Variants in RBFOX1 observed in about 807,000 individuals in gnomAD.
The protein encoded by RBFOX1 is RNA binding protein fox-1 homolog 1.
In RBFOX1, 8 loss-of-function variants were observed where a neutral mutation model predicts 57.7. The ratio of observed to expected loss-of-function variants is 0.14; its 90% CI spans 0.08 to 0.25. The LOEUF is 0.25. RBFOX1 is among the 10% of genes least tolerant of loss of function. RBFOX1 has a pLI of 1.00. For synonymous variants in RBFOX1, 326 were observed against 222.4 expected (o/e 1.47, Z -4.15); for missense variants, 611 against 548.5 (o/e 1.11, Z -1.14).
chr16:5,582,867 C>T (rs949878663), intron 2 of RBFOX1, among the ~76,000 whole-genome samples: 3 of 152,148 alleles, frequency 2.0e-5, no homozygotes, highest in Non-Finnish European at 4.4e-5. Flanking sequence ...GCCTCTCATT[C>T]AACTGTGTAT....
At chr16:5,520,973 T>C (rs12445490) in intron 2 of RBFOX1, among the ~76,000 whole-genome samples, 97,263 of 152,084 alleles carry the variant, frequency 0.64, 33,243 homozygotes, top group African/African-American at 0.88. Context: ...GTGTGTGTCC[T>C]TTGAGTAAGA....
chr16:7,215,251 A>T (rs2091845480), intron 4 of RBFOX1, among the ~76,000 whole-genome samples: 1 of 152,186 alleles, frequency 6.6e-6, no homozygotes, highest in East Asian at 1.9e-4. Flanking sequence ...ACTGTGGAAG[A>T]AAGTGTGGCA....
chr16:5,287,241 T>A (rs1248835560), intron 1 of RBFOX1, among the ~76,000 whole-genome samples: 4 of 152,170 alleles, frequency 2.6e-5, no homozygotes, highest in Non-Finnish European at 5.9e-5. Context: ...GATTTTGCGG[T>A]TATAGTGAGC....
At chr16:5,812,708 C>A (rs759419975) in intron 3 of RBFOX1, among the ~76,000 whole-genome samples, 1 of 152,176 alleles carries the variant, frequency 6.6e-6, no homozygotes, top group Non-Finnish European at 1.5e-5. Context: ...GCAGTCCTTT[C>A]ACCTCTGCCT....
chr16:5,604,195 C>G (rs1025276563), downstream of RBFOX1, among the ~76,000 whole-genome samples: 10 of 152,162 alleles, frequency 6.6e-5, no homozygotes, highest in African/African-American at 2.4e-4. Flanking sequence ...AATAAGAATA[C>G]AAAAAATTCA....
intron 3 of RBFOX1, among the ~76,000 whole-genome samples, chr16:6,921,192 C>A (rs536680514): frequency 6.6e-6 from 1 of 152,290 alleles, no homozygotes; most frequent in African/African-American, 2.4e-5. Context: ...CATGAGTTTT[C>A]TATTCTGTGT....
chr16:6,438,990 C>A (rs2094308162), intron 2 of RBFOX1, among the ~76,000 whole-genome samples: 1 of 152,126 alleles, frequency 6.6e-6, no homozygotes. Flanking sequence ...GCTTGAAGTT[C>A]TGCACCCTTA....
chr16:7,549,069 G>A (rs764876756), intron 5 of RBFOX1, among the ~76,000 whole-genome samples: 1 of 152,238 alleles, frequency 6.6e-6, no homozygotes, highest in Non-Finnish European at 1.5e-5. Context: ...ACTTTCTGAA[G>A]AGGCGACATT....
chr16:7,318,171 A>T (rs1603619689), intron 4 of RBFOX1, among the ~76,000 whole-genome samples: 1 of 151,276 alleles, frequency 6.6e-6, no homozygotes, highest in Non-Finnish European at 1.5e-5. Context: ...GACGGTGGTA[A>T]TGATGGTGAT....
chr16:6,497,563 A>ATTT (rs1567445192), intron 2 of RBFOX1, among the ~76,000 whole-genome samples: 879 of 15,240 alleles, frequency 0.058, 7 homozygotes, highest in South Asian at 0.14. Flanking sequence ...GAAGTTTTTA[A>ATTT]AAAAAAAAAA....
chr16:6,886,781 A>T (rs1393299395), intron 3 of RBFOX1, among the ~76,000 whole-genome samples: 2 of 145,018 alleles, frequency 1.4e-5, no homozygotes, highest in Admixed American at 6.8e-5. Flanking sequence ...AACAAAACAA[A>T]ACAAAAAAAA....
At chr16:5,301,326 A>G (rs2063797091) in intron 1 of RBFOX1, among the ~76,000 whole-genome samples, 1 of 151,818 alleles carries the variant, frequency 6.6e-6, no homozygotes. Flanking sequence ...ACAGCTATAT[A>G]AGTGAGCTTA....
intron 3 of RBFOX1, among the ~76,000 whole-genome samples, chr16:6,781,446 G>A (rs2081004904): frequency 6.6e-6 from 1 of 152,078 alleles, no homozygotes; most frequent in South Asian, 2.1e-4. Context: ...CCTGTAGAAT[G>A]AGTTTGGAAG....
intron 1 of RBFOX1, among the ~76,000 whole-genome samples, chr16:6,251,491 A>G (rs2097611525): frequency 6.6e-6 from 1 of 152,140 alleles, no homozygotes; most frequent in South Asian, 2.1e-4. Flanking sequence ...CTAAGAACCA[A>G]AAGTTAGATA....
chr16:6,859,313 CTATTA>C (rs2058600635), intron 3 of RBFOX1, among the ~76,000 whole-genome samples: 1 of 150,690 alleles, frequency 6.6e-6, no homozygotes, highest in Non-Finnish European at 1.5e-5. Flanking sequence ...TTGATAATAT[CTATTA>C]TATTTTTATA....
chr16:6,173,949 C>T (rs1292929991), intron 1 of RBFOX1, among the ~76,000 whole-genome samples: 2 of 152,028 alleles, frequency 1.3e-5, no homozygotes, highest in African/African-American at 2.4e-5. Flanking sequence ...CTTTTGAAGT[C>T]ATTAAAGTTA....
chr16:5,835,130 A>C (rs998030644), intron 3 of RBFOX1, among the ~76,000 whole-genome samples: 4 of 151,892 alleles, frequency 2.6e-5, no homozygotes, highest in Admixed American at 2.0e-4. Flanking sequence ...GACCCCCCCC[A>C]GAAGTATAAT....
intron 2 of RBFOX1, among the ~76,000 whole-genome samples, chr16:5,527,056 C>G (rs905509961): frequency 6.6e-6 from 1 of 152,124 alleles, no homozygotes; most frequent in Admixed American, 6.5e-5. Flanking sequence ...GTCAGTGGTG[C>G]TCTTTCAGTA....
rs185636034 is a variant in RBFOX1, at chr16:5,678,811, G to A, written c.318+79850G>A. 3.9e-5 allele frequency among the ~76,000 whole-genome samples: 6 copies of A among 152,284 alleles called. No homozygotes were observed. The East Asian group carries it at 9.6e-4, about 24-fold the overall frequency. On this transcript the variant is annotated intron_variant, in intron 3 of 19. Coordinates refer to the RBFOX1 transcript ENST00000641259. ...GCTAAAATTCACTTTGAGTCAACCC[G>A]CTGTTCTAGCACGTTAAATTTGCTA... is the stretch of plus-strand genomic sequence containing the variant.
Sources: allele counts gnomAD v4.1 joint callset (sites outside exome capture counted in the v4.1 genomes callset), GRCh38; gene constraint gnomAD v4.1.1; transcripts MANE v1.5; gene names NCBI Gene and HGNC (gene_info 2026-07-23, HGNC 2026-07-21).